Variants in MALRD1 observed in about 807,000 individuals in gnomAD.
MALRD1 encodes the protein MAM and LDL receptor class A domain containing 1.
A neutral mutation model predicts 242.1 loss-of-function variants in MALRD1; 247 were observed. The ratio of observed to expected loss-of-function variants is 1.02; its 90% CI spans 0.92 to 1.13. The LOEUF is 1.13. Ranked by LOEUF, MALRD1 falls within the 50% of genes most tolerant of loss-of-function variation. The probability of loss-of-function intolerance (pLI) is 0.00; values close to 1 mark genes in which losing one functional copy is unlikely to be tolerated. For synonymous variants in MALRD1, 995 were observed against 866.6 expected, an observed-to-expected ratio of 1.15 and a Z score of -2.60; for missense variants, 2,989 against 2,533.1, an observed-to-expected ratio of 1.18 and a Z score of -3.86.
chr10:19,335,200 T>G (rs1011388356), intron 24 of MALRD1, among the ~76,000 whole-genome samples: 18 of 150,770 alleles, frequency 1.2e-4, no homozygotes, highest in Non-Finnish European at 2.2e-4. Context: ...TTGTTTTTTT[T>G]TTTTTTTAGA....
intron 32 of MALRD1, among the ~76,000 whole-genome samples, chr10:19,560,079 G>A (rs1835895659): frequency 6.6e-6 from 1 of 152,204 alleles, no homozygotes; most frequent in Non-Finnish European, 1.5e-5. Flanking sequence ...AGACAGTGTG[G>A]TGATTCTTCA....
intron 36 of MALRD1, among the ~76,000 whole-genome samples, chr10:19,643,320 C>A (rs1477055295): frequency 6.6e-6 from 1 of 151,854 alleles, no homozygotes; most frequent in Non-Finnish European, 1.5e-5. Flanking sequence ...GTGGCAGGTG[C>A]CTGTAATCCC....
intron 29 of MALRD1, among the ~76,000 whole-genome samples, chr10:19,452,233 G>T (rs562649477): frequency 1.3e-5 from 2 of 152,248 alleles, no homozygotes; most frequent in South Asian, 4.1e-4. Flanking sequence ...GTTGATTCAG[G>T]ACAGAAGGAA....
chr10:19,299,878 C>A (rs1443615795), intron 21 of MALRD1, among the ~76,000 whole-genome samples: 2 of 151,810 alleles, frequency 1.3e-5, no homozygotes, highest in African/African-American at 2.4e-5. Flanking sequence ...GGCAATCAAT[C>A]AAGAGAAACA....
Position 19,104,069 on chromosome 10 carries a change from G to A in MALRD1, c.688G>A (p.Ala230Thr). The stretch of plus-strand genomic sequence containing the variant: ...ATCTTTCAGTTCAGGCTGCTTGCCT[G>A]CCAATGGTAAGAACTTTTTCTCTCA... ...DISFSSGCLPANDGILLCQEA... is the reference protein window; with the variant it reads ...DISFSSGCLPTNDGILLCQEA... The change falls in exon 5 of 40, where the codon GCC (alanine) becomes ACC (threonine). Residue 230 changes from alanine to threonine, a missense_variant. Transcript: ENST00000454679. 8.1e-7 allele frequency: 1 copy of A among 1,232,058 alleles called. No homozygotes were observed. The highest frequency in any genetic ancestry group is 1.0e-6 in the Non-Finnish European group (1 of 986,520). The allele number at this position is 1,232,058 out of a possible 1,614,324, so 76.3% of individuals were successfully genotyped here.
intron 36 of MALRD1, among the ~76,000 whole-genome samples, chr10:19,665,775 AAATT>A (rs1841652218): frequency 1.3e-5 from 2 of 152,082 alleles, no homozygotes; most frequent in Admixed American, 1.3e-4. Context: ...TTGCTCATCT[AAATT>A]AATCCTGTCC....
rs147280492 is a variant in MALRD1 at position 19,555,166 on chromosome 10, G to C, written c.5479-12336G>C. Among the ~76,000 whole-genome samples the C allele has an allele frequency of 7.9e-3, 1,198 of 152,106 alleles. 8 individuals carry two copies. The highest frequency in any genetic ancestry group is 0.014 in the Non-Finnish European group (936 of 67,966). On this transcript the variant is annotated intron_variant, in intron 32 of 39. Coordinates refer to ENST00000454679, the MANE Select transcript of MALRD1 (RefSeq NM_001142308.3). ...CAGTGATGTTGAGCTCATGTGGCCA[G>C]GCTTCTTTAAACAACCAGCAAGAAC...
At chr10:19,344,412 C>A (rs1242660694) in intron 24 of MALRD1, among the ~76,000 whole-genome samples, 1 of 151,906 alleles carries the variant, frequency 6.6e-6, no homozygotes, top group Non-Finnish European at 1.5e-5. Context: ...ACAAGACTGT[C>A]CTACTTTTAT....
At chr10:19,421,441 A>G (rs1443897785) in intron 28 of MALRD1, among the ~76,000 whole-genome samples, 1 of 152,132 alleles carries the variant, frequency 6.6e-6, no homozygotes, top group Non-Finnish European at 1.5e-5. Flanking sequence ...CTTAAAAGGG[A>G]TTATTTATAA....
At chr10:19,733,813 T>G (rs1241598784) in intron 39 of MALRD1, among the ~76,000 whole-genome samples, 4 of 151,944 alleles carry the variant, frequency 2.6e-5, no homozygotes, top group Admixed American at 1.3e-4. Flanking sequence ...GCATTGGTTT[T>G]GTTTTGTTTT....
intron 34 of MALRD1, among the ~76,000 whole-genome samples, chr10:19,607,352 C>T (rs1428586287): frequency 2.0e-5 from 3 of 152,144 alleles, no homozygotes; most frequent in African/African-American, 7.2e-5. Flanking sequence ...TAAGGCCTCT[C>T]TCCTTGGCTT....
chr10:19,264,319 T>C lies in MALRD1; in HGVS notation c.3079+6548T>C, dbSNP rs755775581. On this transcript the variant is annotated intron_variant, in intron 19 of 39. Coordinates refer to ENST00000454679, the MANE Select transcript of MALRD1 (RefSeq NM_001142308.3). ...AATATATGATCCTTTTACACTGTTA[T>C]TGAAATCAGCTTGCTAGTATTTTGT... Among the ~76,000 whole-genome samples, 10 of 152,300 alleles carry C rather than the reference T, an allele frequency of 6.6e-5. No individual in the cohort carries two copies. The East Asian group carries it at 7.7e-4, about 12-fold the overall frequency.
intron 28 of MALRD1, among the ~76,000 whole-genome samples, chr10:19,399,777 G>A (rs980314867): frequency 1.3e-5 from 2 of 152,054 alleles, no homozygotes; most frequent in African/African-American, 4.8e-5. Context: ...GAAATATTTA[G>A]ACTTACATTT....
intron 31 of MALRD1, among the ~76,000 whole-genome samples, chr10:19,521,966 C>T (rs761506156): frequency 1.3e-4 from 18 of 135,774 alleles, no homozygotes; most frequent in South Asian, 2.2e-4. Context: ...TATATGTTTT[C>T]ATAATCTTTG....
intron 32 of MALRD1, among the ~76,000 whole-genome samples, chr10:19,538,540 T>C (rs1439066419): frequency 6.6e-6 from 1 of 152,132 alleles, no homozygotes; most frequent in Non-Finnish European, 1.5e-5. Flanking sequence ...CAAATTAATT[T>C]CCCATTATAT....
At chr10:19,260,728 G>T (rs1464215032) in intron 19 of MALRD1, among the ~76,000 whole-genome samples, 1 of 152,114 alleles carries the variant, frequency 6.6e-6, no homozygotes, top group Non-Finnish European at 1.5e-5. Context: ...TGTATGTGGG[G>T]CAGGATTAAT....
At chr10:19,253,432 C>T (rs1839379993) in intron 18 of MALRD1, among the ~76,000 whole-genome samples, 1 of 151,700 alleles carries the variant, frequency 6.6e-6, no homozygotes, top group Non-Finnish European at 1.5e-5. Context: ...CGATTTTATC[C>T]TGTTTAGGTG....
intron 25 of MALRD1, 75 bp downstream of exon 25, chr10:19,348,093 A>G: frequency 6.8e-7 from 1 of 1,472,350 alleles, no homozygotes; most frequent in South Asian, 1.4e-5. Flanking sequence ...TGACATACGG[A>G]AAACAGAGTG....
intron 38 of MALRD1, among the ~76,000 whole-genome samples, chr10:19,728,184 C>T (rs75014582): frequency 0.014 from 2,171 of 152,210 alleles, 28 homozygotes; most frequent in African/African-American, 0.036. Context: ...CATTCCTCAC[C>T]TTCCAATACT....
Sources: allele counts gnomAD v4.1 joint callset (sites outside exome capture counted in the v4.1 genomes callset), GRCh38; gene constraint gnomAD v4.1.1; transcripts MANE v1.5; gene names NCBI Gene and HGNC (gene_info 2026-07-23, HGNC 2026-07-21).